The following CADM2 variants were observed in gnomAD, a reference collection of about 807,000 sequenced individuals.
CADM2 encodes the protein immunoglobulin superfamily member 4D.
In CADM2, 12 loss-of-function variants were observed where a neutral mutation model predicts 49.8. The ratio of observed to expected loss-of-function variants is 0.24; its 90% CI spans 0.15 to 0.39. The LOEUF (loss-of-function observed/expected upper bound fraction) is 0.39, where lower values mean the gene tolerates loss of function less well. Among genes scored for constraint, CADM2 ranks in the 10% least tolerant of loss-of-function variants. The pLI, the probability that CADM2 is intolerant of heterozygous loss-of-function variation, is 1.00. For missense variants in CADM2, 378 were observed against 492.3 expected (o/e 0.77, Z 2.20); for synonymous variants, 214 against 175.4 (o/e 1.22, Z -1.74).
At chr3:85,329,519 G>A (rs1371014371) in intron 1 of CADM2, among the ~76,000 whole-genome samples, 1 of 151,960 alleles carries the variant, frequency 6.6e-6, no homozygotes, top group Non-Finnish European at 1.5e-5. Context: ...GCAGTGAGCC[G>A]AGATTGCACG....
Position 85,098,070 on chromosome 3 carries a change from G to A in CADM2, c.61+138402G>A, listed in dbSNP as rs1575857090. Among the ~76,000 whole-genome samples, 4 of 152,122 alleles carry A rather than the reference G, an allele frequency of 2.6e-5. No individual in the cohort carries two copies. In the South Asian group the frequency reaches 8.3e-4, roughly 31 times the overall value. On this transcript the variant is annotated intron_variant, in intron 1 of 9. Transcript: ENST00000383699. Reference sequence around the variant, plus strand: ...ATGAGACTGGTTCCTAGGCTATAAGGATTGATATGGCAGAATATGTTCCAG... The same window carrying A: ...ATGAGACTGGTTCCTAGGCTATAAGAATTGATATGGCAGAATATGTTCCAG...
chr3:85,923,906 GT>G (rs1321339175), intron 6 of CADM2, among the ~76,000 whole-genome samples: 1 of 152,120 alleles, frequency 6.6e-6, no homozygotes, highest in Non-Finnish European at 1.5e-5. Context: ...GTGATTAGTT[GT>G]TACTGTGTGG....
chr3:85,500,500 G>A (rs1029990366), intron 1 of CADM2, among the ~76,000 whole-genome samples: 1 of 151,442 alleles, frequency 6.6e-6, no homozygotes, highest in African/African-American at 2.4e-5. Context: ...CTTCATTTCT[G>A]ATATATTTTT....
chr3:85,551,962 T>G (rs2061812581), intron 1 of CADM2, among the ~76,000 whole-genome samples: 1 of 152,150 alleles, frequency 6.6e-6, no homozygotes, highest in Non-Finnish European at 1.5e-5. Flanking sequence ...ATTAAAATAT[T>G]TTTGTGATTA....
chr3:85,821,966 T>C (rs569874067), intron 3 of CADM2, among the ~76,000 whole-genome samples: 42 of 152,324 alleles, frequency 2.8e-4, no homozygotes, highest in Middle Eastern at 3.4e-3. Context: ...TTTGTTATTC[T>C]GGAATTAGAA....
chr3:85,481,225 ATT>A (rs1465235143), intron 1 of CADM2, among the ~76,000 whole-genome samples: 1 of 72,412 alleles, frequency 1.4e-5, no homozygotes, highest in African/African-American at 3.2e-5. Context: ...AATTATATAT[ATT>A]GGATATATAT....
At chr3:85,321,116 A>ATATATTTTT (rs2044596196) in intron 1 of CADM2, among the ~76,000 whole-genome samples, 1 of 27,492 alleles carries the variant, frequency 3.6e-5, no homozygotes, top group African/African-American at 1.5e-4. Context: ...ATATATATAT[A>ATATATTTTT]TTTTTTTTTT....
At chr3:85,730,887 C>A (rs2067904431) in intron 2 of CADM2, among the ~76,000 whole-genome samples, 1 of 152,058 alleles carries the variant, frequency 6.6e-6, no homozygotes, top group Admixed American at 6.6e-5. Flanking sequence ...ATATTATTTT[C>A]AAAGCGAATG....
intron 1 of CADM2, among the ~76,000 whole-genome samples, chr3:85,447,534 A>C (rs772267489): frequency 6.6e-6 from 1 of 152,166 alleles, no homozygotes; most frequent in African/African-American, 2.4e-5. Context: ...TGATAAAGCA[A>C]TGGTTACCCT....
At chr3:85,173,116 T>C (rs896345189) in intron 1 of CADM2, among the ~76,000 whole-genome samples, 13 of 151,094 alleles carry the variant, frequency 8.6e-5, no homozygotes, top group African/African-American at 2.7e-4. Flanking sequence ...TGCCTCAGCC[T>C]ACCAAGTAGC....
intron 1 of CADM2, among the ~76,000 whole-genome samples, chr3:85,231,840 G>A (rs1303386964): frequency 6.6e-6 from 1 of 151,162 alleles, no homozygotes; most frequent in African/African-American, 2.4e-5. Context: ...AGCCTCCCAA[G>A]TAGCAGGGAT....
At chr3:85,522,364 A>T (rs2061043420) in intron 1 of CADM2, among the ~76,000 whole-genome samples, 1 of 152,140 alleles carries the variant, frequency 6.6e-6, no homozygotes, top group Admixed American at 6.6e-5. Context: ...AAGCGAGTTA[A>T]TTAAATCATG....
At chr3:85,169,943 G>T (rs2040574631) in intron 1 of CADM2, among the ~76,000 whole-genome samples, 1 of 152,098 alleles carries the variant, frequency 6.6e-6, no homozygotes, top group Admixed American at 6.6e-5. Context: ...TTCATTCACA[G>T]AAACTGTTGA....
At chr3:85,341,761 A>C (rs2045245460) in intron 1 of CADM2, among the ~76,000 whole-genome samples, 1 of 152,084 alleles carries the variant, frequency 6.6e-6, no homozygotes, top group Non-Finnish European at 1.5e-5. Context: ...TAAATATGGA[A>C]GTTAATATAA....
chr3:84,985,817 T>A (rs1168152795), intron 1 of CADM2, among the ~76,000 whole-genome samples: 2 of 152,200 alleles, frequency 1.3e-5, no homozygotes, highest in African/African-American at 4.8e-5. Context: ...AATGCATCAG[T>A]AAGTGAAGTA....
chr3:85,172,088 A>G (rs1025199704), intron 1 of CADM2, among the ~76,000 whole-genome samples: 1 of 152,202 alleles, frequency 6.6e-6, no homozygotes, highest in Non-Finnish European at 1.5e-5. Context: ...TGTGCCATTA[A>G]GTTATTATTC....
chr3:85,154,273 C>G (rs1177592359), intron 1 of CADM2, among the ~76,000 whole-genome samples: 1 of 151,966 alleles, frequency 6.6e-6, no homozygotes, highest in Non-Finnish European at 1.5e-5. Flanking sequence ...AACCAAGGCT[C>G]GAGAACTATG....
At chr3:85,767,131 C>T (rs2069695904) in intron 2 of CADM2, among the ~76,000 whole-genome samples, 1 of 151,964 alleles carries the variant, frequency 6.6e-6, no homozygotes. Context: ...AAGTATGTAC[C>T]ATAAAGTGAA....
chr3:85,236,239 A>G (rs2042404701), intron 1 of CADM2, among the ~76,000 whole-genome samples: 1 of 152,018 alleles, frequency 6.6e-6, no homozygotes, highest in Non-Finnish European at 1.5e-5. Flanking sequence ...GTTCATATAT[A>G]CATATATATA....
Sources: gnomAD v4.1 joint callset for allele counts (sites outside exome capture counted in the v4.1 genomes callset) on GRCh38, gnomAD v4.1.1 for gene constraint, MANE v1.5 for transcripts, NCBI Gene and HGNC (gene_info 2026-07-23, HGNC 2026-07-21) for gene names.